The following CACNB2 variants were observed in gnomAD, a reference collection of about 807,000 sequenced individuals.
CACNB2 encodes the protein calcium voltage-gated channel auxiliary subunit beta 2.
A neutral mutation model predicts 73.3 loss-of-function variants in CACNB2; 42 were observed. The ratio of observed to expected loss-of-function variants is 0.57; its 90% CI spans 0.45 to 0.74. The LOEUF is 0.74. CACNB2 is among the 30% of genes least tolerant of loss of function. The pLI, the probability that CACNB2 is intolerant of heterozygous loss-of-function variation, is 0.00. For synonymous variants in CACNB2, 348 were observed against 310.3 expected, an observed-to-expected ratio of 1.12 and a Z score of -1.28; for missense variants, 940 against 853.0, an observed-to-expected ratio of 1.10 and a Z score of -1.27.
chr10:18,276,367 A>T (rs1051806608), intron 2 of CACNB2, among the ~76,000 whole-genome samples: 1 of 152,132 alleles, frequency 6.6e-6, no homozygotes, highest in Non-Finnish European at 1.5e-5. Context: ...GTATATACAA[A>T]CTACATGGAC....
At chr10:18,537,982 A>C (rs921982973) in intron 12 of CACNB2, among the ~76,000 whole-genome samples, 198 bp from the exon 13 acceptor site, 1 of 152,180 alleles carries the variant, frequency 6.6e-6, no homozygotes, top group African/African-American at 2.4e-5. Flanking sequence ...TTAGTTAAGC[A>C]TTCAGTGCCC....
chr10:18,503,469 A>G (rs7086034), intron 5 of CACNB2, among the ~76,000 whole-genome samples: 93,076 of 151,944 alleles, frequency 0.61, 29,634 homozygotes, highest in East Asian at 0.97. Flanking sequence ...GGTGGTGCAC[A>G]CCTGTAACCC....
chr10:18,446,351 C>G (rs903127686), intron 3 of CACNB2, among the ~76,000 whole-genome samples: 1 of 152,172 alleles, frequency 6.6e-6, no homozygotes, highest in Non-Finnish European at 1.5e-5. Context: ...TTTAAGCAAA[C>G]TAATCTGGCT....
intron 2 of CACNB2, among the ~76,000 whole-genome samples, chr10:18,157,381 A>G (rs1002185553): frequency 1.3e-5 from 2 of 152,238 alleles, no homozygotes; most frequent in Non-Finnish European, 2.9e-5. Flanking sequence ...TCCTCTGGAA[A>G]AAAAATGCTT....
intron 3 of CACNB2, among the ~76,000 whole-genome samples, chr10:18,446,748 A>G (rs926436514): frequency 6.6e-6 from 1 of 152,088 alleles, no homozygotes; most frequent in African/African-American, 2.4e-5. Flanking sequence ...AATTTCCCAT[A>G]CTTATTTGTC....
intron 3 of CACNB2, among the ~76,000 whole-genome samples, chr10:18,442,933 T>C (rs1446365474): frequency 3.4e-5 from 1 of 29,084 alleles, no homozygotes; most frequent in Non-Finnish European, 5.5e-5. Context: ...TATGTATATA[T>C]ATATATATGT....
chr10:18,246,414 AC>A (rs1241366494), intron 2 of CACNB2, among the ~76,000 whole-genome samples: 117 of 152,250 alleles, frequency 7.7e-4, no homozygotes, highest in African/African-American at 2.6e-3. Flanking sequence ...TTAAAAAAAA[AC>A]ATTTTTACAA....
At chr10:18,289,221 C>T (rs1215587383) in intron 2 of CACNB2, among the ~76,000 whole-genome samples, 1 of 151,366 alleles carries the variant, frequency 6.6e-6, no homozygotes, top group African/African-American at 2.4e-5. Context: ...ACCCCCTCCC[C>T]AGCAAAAAAA....
intron 3 of CACNB2, among the ~76,000 whole-genome samples, chr10:18,422,383 T>G (rs981962495): frequency 1.3e-5 from 2 of 152,262 alleles, no homozygotes; most frequent in African/African-American, 2.4e-5. Flanking sequence ...CCTTTTTCCC[T>G]GGATTAAAAA....
At chr10:18,239,207 G>A (rs889687503) in intron 2 of CACNB2, among the ~76,000 whole-genome samples, 3 of 151,964 alleles carry the variant, frequency 2.0e-5, no homozygotes, top group Non-Finnish European at 2.9e-5. Flanking sequence ...GTACAGTTTT[G>A]TTACACGGAT....
In CACNB2 at chr10:18,150,987, A is replaced by G. The variant is rs1300147604; in HGVS notation, c.213+12A>G. On this transcript the variant is annotated intron_variant, in intron 2 of 13. Transcript: ENST00000324631. The stretch of plus-strand genomic sequence containing the variant: ...GTTTTGTTCGCCAGGTAAGAGTTTT[A>G]AGTTCATGGTTTTGATAAGTACCTT... The G allele has an allele frequency of 3.3e-6, 5 of 1,533,142 alleles. No homozygotes were observed. The highest frequency in any genetic ancestry group is 4.5e-6 in the Non-Finnish European group (5 of 1,108,864). 95.0% of individuals were successfully genotyped at this position (1,533,142 alleles called of 1,614,324 possible).
intron 2 of CACNB2, among the ~76,000 whole-genome samples, chr10:18,229,960 A>G (rs965758377): frequency 3.3e-5 from 5 of 152,202 alleles, no homozygotes; most frequent in African/African-American, 1.2e-4. Context: ...CAGCAAGCAT[A>G]GAGAAATCTT....
chr10:18,450,731 T>C lies in CACNB2; in HGVS notation c.334-47624T>C, dbSNP rs866803601. Among the ~76,000 whole-genome samples, 3 of 150,880 alleles carry C rather than the reference T, an allele frequency of 2.0e-5. No homozygotes were observed. In the South Asian group the frequency reaches 6.4e-4, roughly 32 times the overall value. ...GCCGCCCCCTGGGTTCAAGCAATTC[T>C]CCCCTCTCAGTCTCCTGAGTAGCTG... On this transcript the variant is annotated intron_variant, in intron 3 of 13. Transcript: ENST00000324631.
chr10:18,292,934 A>G (rs963848021), intron 2 of CACNB2, among the ~76,000 whole-genome samples: 4 of 152,202 alleles, frequency 2.6e-5, no homozygotes, highest in Non-Finnish European at 5.9e-5. Flanking sequence ...TTATTATTAG[A>G]TCATCATTAT....
chr10:18,305,814 A>C (rs2039705027), intron 2 of CACNB2, among the ~76,000 whole-genome samples: 2 of 152,138 alleles, frequency 1.3e-5, no homozygotes, highest in African/African-American at 4.8e-5. Context: ...AGGGTAACTG[A>C]GGAATTCTCA....
intron 3 of CACNB2, among the ~76,000 whole-genome samples, chr10:18,457,743 A>C (rs914298211): frequency 2.0e-5 from 3 of 152,040 alleles, no homozygotes; most frequent in Admixed American, 6.5e-5. Context: ...ATACAAAATT[A>C]GTTGGGCATG....
chr10:18,405,109 A>G lies in CACNB2; in HGVS notation c.333+3066A>G, dbSNP rs141407944. On this transcript the variant is annotated intron_variant, in intron 3 of 13. Coordinates refer to ENST00000324631, the MANE Select transcript of CACNB2 (RefSeq NM_201596.3). ...TTCCCACGTTGATCTTCTCTTTGAA[A>G]ACAACTTTATTGAGATATAATTCAC... is the stretch of plus-strand genomic sequence containing the variant. 2.3e-3 allele frequency among the ~76,000 whole-genome samples: 351 copies of G among 152,328 alleles called. 5 individuals carry two copies. Among genetic ancestry groups the G allele is most frequent in the African/African-American group, 8.1e-3 (338 of 41,568 alleles).
At position 18,540,893 on chromosome 10, in the gene CACNB2, G is replaced by A. The variant is rs894919060; in HGVS notation, c.*1169G>A. The A allele has an allele frequency of 1.9e-4, 29 of 152,602 alleles. No homozygotes were observed. Among genetic ancestry groups the A allele is most frequent in the African/African-American group, 6.8e-4 (28 of 41,432 alleles). The allele number at this position is 152,602 out of a possible 1,614,324, so 9.5% of individuals were successfully genotyped here. On this transcript the variant is annotated 3_prime_UTR_variant, in exon 14 of 14. Coordinates refer to ENST00000324631, the MANE Select transcript of CACNB2 (RefSeq NM_201596.3). ...TTTAACAACCCATTGAGCAGTCAGG[G>A]AATGTGAGTAAGCTTGCTGCCAAAG...
intron 3 of CACNB2, among the ~76,000 whole-genome samples, chr10:18,449,685 C>T (rs1056508492): frequency 5.9e-5 from 9 of 152,176 alleles, no homozygotes; most frequent in Non-Finnish European, 2.9e-5. Flanking sequence ...GAACGGAGTC[C>T]GAGCAGTCTA....
Sources: allele counts gnomAD v4.1 joint callset (sites outside exome capture counted in the v4.1 genomes callset), GRCh38; gene constraint gnomAD v4.1.1; transcripts MANE v1.5; gene names NCBI Gene and HGNC (gene_info 2026-07-23, HGNC 2026-07-21).